NLE1: variants seen among roughly 807,000 people sequenced by gnomAD.
The protein encoded by NLE1 is notchless homolog 1.
Under a neutral mutation model 62.8 loss-of-function variants are expected in NLE1, and 37 were observed. That is an observed-to-expected ratio of 0.59 (90% CI 0.45 to 0.78). The LOEUF (loss-of-function observed/expected upper bound fraction) is 0.78. Ranked by LOEUF, NLE1 falls within the 30% of genes least tolerant of loss-of-function variation. The pLI is 0.00. For synonymous variants in NLE1, 243 were observed against 253.0 expected (o/e 0.96, Z 0.37); for missense variants, 555 against 637.9 (o/e 0.87, Z 1.40).
intron 8 of NLE1, 57 bp from the exon 9 acceptor site, chr17:35,136,272 A>G (rs2091908164): frequency 2.5e-6 from 4 of 1,613,074 alleles, no homozygotes; most frequent in Non-Finnish European, 3.4e-6. Flanking sequence ...CGATAAGAAA[A>G]TCCAACACAA....
chr17:35,139,207 C>T (rs1440406760), intron 4 of NLE1, 28 bp downstream of exon 4: 1 of 1,596,664 alleles, frequency 6.3e-7, no homozygotes, highest in Admixed American at 1.7e-5. Flanking sequence ...AAAAAGAAGA[C>T]CCCCTAAATG....
chr17:35,139,129 G>T, intron 4 of NLE1, 106 bp downstream of exon 4: 1 of 941,972 alleles, frequency 1.1e-6, no homozygotes, highest in Non-Finnish European at 1.6e-6. Flanking sequence ...GAGCCCAGGA[G>T]TTCAAGTGAG....
At chr17:35,139,360 GC>G in intron 3 of NLE1, 46 bp from the exon 4 acceptor site, 1 of 1,464,638 alleles carries the variant, frequency 6.8e-7, no homozygotes, top group Non-Finnish European at 9.6e-7. Flanking sequence ...GTGCATTTGT[GC>G]CACCTATTCA....
Position 35,136,456 on chromosome 17 carries a change from C to T in NLE1, c.870G>A (p.Val290=), listed in dbSNP as rs1452119570. 2 of 1,614,086 alleles carry T rather than the reference C, an allele frequency of 1.2e-6. No homozygotes were observed. The highest frequency in any genetic ancestry group is 1.7e-6 in the Non-Finnish European group (2 of 1,179,944). The part of the protein sequence containing the change: ...CRTLQGHGHW[V]NTMALSTDYA... ...AGTCAGTGCTGAGGGCCATGGTGTT[C>T]ACCCAGTGGCCGTGGCCTTGCAGAG... is the stretch of plus-strand genomic sequence containing the variant. Residue 290 remains valine (V), a synonymous_variant, in exon 8 of 13, where the codon GTG becomes GTA. Transcript: ENST00000442241.
At chr17:35,137,214 AC>A in intron 6 of NLE1, 21 bp from the exon 7 acceptor site, 1 of 1,585,412 alleles carries the variant, frequency 6.3e-7, no homozygotes, top group Non-Finnish European at 8.6e-7. Flanking sequence ...GGGAGATGTG[AC>A]CTCATCTGTG....
intron 9 of NLE1, among the ~76,000 whole-genome samples, 183 bp from the exon 10 acceptor site, chr17:35,135,634 T>C (rs1280077396): frequency 6.6e-6 from 1 of 151,998 alleles, no homozygotes; most frequent in Non-Finnish European, 1.5e-5. Context: ...AGTCACTTCA[T>C]CCAAAAGGAA....
chr17:35,141,362 G>A (rs1297671376), intron 2 of NLE1, among the ~76,000 whole-genome samples: 1 of 152,040 alleles, frequency 6.6e-6, no homozygotes, highest in South Asian at 2.1e-4. Flanking sequence ...CCTGGCCAAC[G>A]TGGTGAAACC....
Position 35,129,651 on chromosome 17 carries a change from C to T in NLE1, c.*2786G>A. On this transcript the variant is annotated 3_prime_UTR_variant, in exon 13 of 13. Coordinates refer to ENST00000442241, the MANE Select transcript of NLE1 (RefSeq NM_018096.5). ...GCTGGGGTGGGGAAGTGGTGCAAGCCCTACAAAGTGAGCCCTGGGAAAAGA... is the reference window on the plus strand; with the variant it reads ...GCTGGGGTGGGGAAGTGGTGCAAGCTCTACAAAGTGAGCCCTGGGAAAAGA... 6.2e-7 allele frequency: 1 copy of T among 1,613,566 alleles called. No homozygotes were observed. Among genetic ancestry groups the T allele is most frequent in the Non-Finnish European group, 8.5e-7 (1 of 1,179,888 alleles).
chr17:35,134,465 A>G (rs1192391003), intron 10 of NLE1, among the ~76,000 whole-genome samples: 2 of 151,906 alleles, frequency 1.3e-5, no homozygotes, highest in Non-Finnish European at 2.9e-5. Context: ...AGTGGTGTGA[A>G]CTCGACTCAC....
At position 35,129,079 on chromosome 17, in the gene NLE1, C is replaced by T. The variant is rs938190666; in HGVS notation, c.*3358G>A. The stretch of plus-strand genomic sequence containing the variant: ...GCAGCTGTAAATACAGATGAAGCTT[C>T]GCTTGCTCGCCCACCAATCTCCTCC... On this transcript the variant is annotated 3_prime_UTR_variant, in exon 13 of 13. Transcript: ENST00000442241. 9 of 233,062 alleles carry T rather than the reference C, an allele frequency of 3.9e-5. No individual in the cohort carries two copies. Among genetic ancestry groups the T allele is most frequent in the South Asian group, 1.7e-4 (2 of 12,042 alleles). The allele number at this position is 233,062 out of a possible 1,614,324, so 14.4% of individuals were successfully genotyped here. A position where few individuals can be genotyped will look rare whatever the true frequency, so the allele number is the denominator to read the frequency against.
intron 6 of NLE1, 117 bp downstream of exon 6, chr17:35,137,426 C>T (rs928683976): frequency 1.9e-5 from 17 of 909,332 alleles, no homozygotes; most frequent in East Asian, 2.6e-5. Flanking sequence ...CAAGCCATCA[C>T]GGTCATTCAG....
intron 10 of NLE1, 90 bp downstream of exon 10, chr17:35,135,159 C>T: frequency 2.4e-6 from 3 of 1,254,590 alleles, no homozygotes; most frequent in Non-Finnish European, 3.5e-6. Context: ...AATCCAAACA[C>T]CTGCCAAGGC....
In NLE1 at chr17:35,132,461, G is replaced by A. The variant is rs753520647; in HGVS notation, c.1446-12C>T. 3 of 1,395,772 alleles carry A rather than the reference G, an allele frequency of 2.1e-6. No homozygotes were observed. The highest frequency in any genetic ancestry group is 1.5e-5 in the African/African-American group (1 of 67,278). The allele number at this position is 1,395,772 out of a possible 1,614,324, so 86.5% of individuals were successfully genotyped here. ...CTCATCTCCTCCATCTGTGGAGAAG[G>A]GAAGGGTGTCAGGATGGGGATTCCA... is the stretch of plus-strand genomic sequence containing the variant. On this transcript the variant is annotated splice_polypyrimidine_tract_variant and intron_variant, in intron 12 of 12. Coordinates refer to ENST00000442241, the MANE Select transcript of NLE1 (RefSeq NM_018096.5).
rs2091870324 is a variant in NLE1, at chr17:35,130,472, C to T, written c.*1965G>A. 1 of 1,596,552 alleles carries T rather than the reference C, an allele frequency of 6.3e-7. No homozygotes were observed. On this transcript the variant is annotated 3_prime_UTR_variant, in exon 13 of 13. Coordinates refer to ENST00000442241, the MANE Select transcript of NLE1 (RefSeq NM_018096.5). ...CAGGACACCCCTCACCTACTTTCAG[C>T]TTCAACCCCAGGCCCTCAGAAACCA...
Position 35,129,309 on chromosome 17 carries a change from C to T in NLE1, c.*3128G>A, listed in dbSNP as rs1356637671. On this transcript the variant is annotated 3_prime_UTR_variant, in exon 13 of 13. Coordinates refer to ENST00000442241, the MANE Select transcript of NLE1 (RefSeq NM_018096.5). ...GCACCTTCCATCTGACCTGCCTGGG[C>T]CCCAGCAGGAGCAGGGGATGGGCAT... 6 of 1,389,628 alleles carry T rather than the reference C, an allele frequency of 4.3e-6. No individual in the cohort carries two copies. In the African/African-American group the frequency reaches 5.7e-5, roughly 13 times the overall value. 86.1% of individuals were successfully genotyped at this position (1,389,628 alleles called of 1,614,324 possible).
Position 35,139,053 on chromosome 17 carries a change from C to T in NLE1, c.460+182G>A, listed in dbSNP as rs116091659. Among the ~76,000 whole-genome samples the T allele has an allele frequency of 7.4e-3, 1,131 of 152,196 alleles. 18 individuals are homozygous for T. The highest frequency in any genetic ancestry group is 0.026 in the African/African-American group (1,090 of 41,506). On this transcript the variant is annotated intron_variant, in intron 4 of 12. Transcript: ENST00000442241. ...AACGAGCCAGGTGTGATGGCAAGTG[C>T]CTGTCATCCCAGCTACTCTGGAGGC...
chr17:35,137,287 T>A (rs987757854), intron 6 of NLE1, 94 bp from the exon 7 acceptor site: 63 of 1,219,974 alleles, frequency 5.2e-5, no homozygotes, highest in Non-Finnish European at 6.4e-5. Context: ...CCATGGACAA[T>A]CTTTTGACAG....
Position 35,142,241 on chromosome 17 carries a change from C to T in NLE1, c.18+17G>A. ...GCCCCGCGGCGACGCCCCCCGCCCC[C>T]ATCCACGCACACCCACCGGCACTGC... On this transcript the variant is annotated intron_variant, in intron 1 of 12. Coordinates refer to ENST00000442241, the MANE Select transcript of NLE1 (RefSeq NM_018096.5). The T allele has an allele frequency of 1.3e-6, 2 of 1,551,052 alleles. No individual in the cohort carries two copies. Among genetic ancestry groups the T allele is most frequent in the South Asian group, 1.2e-5 (1 of 85,256 alleles).
At chr17:35,132,545 C>T in intron 12 of NLE1, 96 bp from the exon 13 acceptor site, 1 of 1,115,488 alleles carries the variant, frequency 9.0e-7, no homozygotes, top group Middle Eastern at 2.3e-4. Flanking sequence ...GGCCTGTGGT[C>T]CACCCTCAGA....
Sources: allele counts gnomAD v4.1 joint callset (sites outside exome capture counted in the v4.1 genomes callset), GRCh38; gene constraint gnomAD v4.1.1; transcripts MANE v1.5; gene names NCBI Gene and HGNC (gene_info 2026-07-23, HGNC 2026-07-21).